Variants in CDK19 observed in about 807,000 individuals in gnomAD.
The protein encoded by CDK19 is cyclin-dependent kinase 19.
Under a neutral mutation model 68.3 loss-of-function variants are expected in CDK19, and 20 were observed. The observed-to-expected ratio is 0.29, with a 90% confidence interval of 0.21 to 0.43. The LOEUF is 0.43. CDK19 is among the 20% of genes least tolerant of loss of function. CDK19 has a pLI of 1.00. For missense variants in CDK19, 339 were observed against 623.5 expected (o/e 0.54, Z 4.86); for synonymous variants, 221 against 222.8 (o/e 0.99, Z 0.07).
intron 1 of CDK19, among the ~76,000 whole-genome samples, chr6:110,765,268 T>A (rs1315810862): frequency 6.6e-6 from 1 of 152,048 alleles, no homozygotes; most frequent in African/African-American, 2.4e-5. Flanking sequence ...AAATTAAAAA[T>A]TTTTGACATT....
chr6:110,712,042 T>C (rs1430655527), intron 2 of CDK19, among the ~76,000 whole-genome samples: 1 of 152,226 alleles, frequency 6.6e-6, no homozygotes, highest in African/African-American at 2.4e-5. Context: ...ATTGGCTACT[T>C]TTTTAACTGC....
At chr6:110,755,000 G>C (rs907243024) in intron 1 of CDK19, among the ~76,000 whole-genome samples, 10 of 148,510 alleles carry the variant, frequency 6.7e-5, no homozygotes, top group Admixed American at 1.3e-4. Flanking sequence ...TTTTTTTTGA[G>C]ATGGAATTTC....
chr6:110,709,142 T>C (rs894798289), intron 2 of CDK19, among the ~76,000 whole-genome samples: 1 of 152,174 alleles, frequency 6.6e-6, no homozygotes, highest in Admixed American at 6.6e-5. Flanking sequence ...AAACTAGGTA[T>C]TGATGGAACC....
At chr6:110,745,996 C>A (rs1043310222) in intron 2 of CDK19, 130 bp downstream of exon 2, 2 of 463,810 alleles carry the variant, frequency 4.3e-6, no homozygotes, top group East Asian at 7.2e-5. Context: ...TCTCACTCTA[C>A]ATAAAATATT....
intron 1 of CDK19, among the ~76,000 whole-genome samples, chr6:110,800,771 C>A (rs1025558736): frequency 4.6e-5 from 7 of 152,090 alleles, no homozygotes; most frequent in Non-Finnish European, 8.8e-5. Flanking sequence ...CAAAAATGCT[C>A]AACAAACAAG....
intron 1 of CDK19, among the ~76,000 whole-genome samples, chr6:110,757,700 G>A (rs1045470286): frequency 3.9e-4 from 59 of 152,128 alleles, no homozygotes; most frequent in African/African-American, 1.4e-3. Context: ...ATTTCAGGTT[G>A]TTCAAGTACA....
intron 2 of CDK19, among the ~76,000 whole-genome samples, chr6:110,687,672 T>A (rs1470178315): frequency 6.6e-6 from 1 of 152,248 alleles, no homozygotes; most frequent in Non-Finnish European, 1.5e-5. Context: ...TTTTAATCAA[T>A]AAATCCTAAA....
chr6:110,786,368 T>G lies in CDK19; in HGVS notation c.128+28641A>C, dbSNP rs188779711. On this transcript the variant is annotated intron_variant, in intron 1 of 12. Transcript: ENST00000368911. ...ACCCTTCACTCCATCTTTTTTTCCA[T>G]ACCCCCAATTTCCTTCATGATTTCC... Among the ~76,000 whole-genome samples the G allele has an allele frequency of 2.0e-5, 3 of 152,266 alleles. No individual in the cohort carries two copies. The East Asian group carries it at 5.8e-4, about 29-fold the overall frequency.
At chr6:110,806,545 T>C (rs1782696419) in intron 1 of CDK19, among the ~76,000 whole-genome samples, 1 of 152,164 alleles carries the variant, frequency 6.6e-6, no homozygotes, top group African/African-American at 2.4e-5. Context: ...CTTACTAGGA[T>C]ATTCACTTCA....
At chr6:110,736,762 A>G (rs560253896) in intron 2 of CDK19, among the ~76,000 whole-genome samples, 1 of 152,314 alleles carries the variant, frequency 6.6e-6, no homozygotes, top group South Asian at 2.1e-4. Flanking sequence ...AAAAACCAGC[A>G]CCATTTACTG....
At chr6:110,795,630 AC>A (rs1781886464) in intron 1 of CDK19, among the ~76,000 whole-genome samples, 1 of 152,164 alleles carries the variant, frequency 6.6e-6, no homozygotes, top group Non-Finnish European at 1.5e-5. Context: ...AACAACTAAT[AC>A]CCTTTGACAC....
intron 1 of CDK19, among the ~76,000 whole-genome samples, chr6:110,777,490 A>G (rs1780488699): frequency 6.6e-6 from 1 of 152,190 alleles, no homozygotes; most frequent in Non-Finnish European, 1.5e-5. Context: ...AAAATAAAAT[A>G]AGAAGGGTTG....
chr6:110,628,969 T>C lies in CDK19; in HGVS notation c.647-1824A>G, dbSNP rs928563477. On this transcript the variant is annotated intron_variant, in intron 6 of 12. Transcript: ENST00000368911. Reference sequence around the variant, plus strand: ...CCATCACTACAGAGTAGAGTAATAATACTGCTCAGCATCCATTTCTGAATT... The same window carrying C: ...CCATCACTACAGAGTAGAGTAATAACACTGCTCAGCATCCATTTCTGAATT... Among the ~76,000 whole-genome samples, 5 of 152,314 alleles carry C rather than the reference T, an allele frequency of 3.3e-5. No homozygotes were observed. The South Asian group carries it at 8.3e-4, about 25-fold the overall frequency.
At chr6:110,677,551 G>GA (rs1771634248) in intron 2 of CDK19, among the ~76,000 whole-genome samples, 1 of 139,588 alleles carries the variant, frequency 7.2e-6, no homozygotes, top group Non-Finnish European at 1.5e-5. Context: ...GGGAAGCAGA[G>GA]AGAGACCCCA....
intron 1 of CDK19, among the ~76,000 whole-genome samples, chr6:110,750,639 C>T (rs1242996989): frequency 1.3e-5 from 2 of 152,012 alleles, no homozygotes; most frequent in African/African-American, 4.8e-5. Flanking sequence ...GAAAATATCT[C>T]GGAAGTTCAA....
At chr6:110,738,453 G>T (rs1056788473) in intron 2 of CDK19, among the ~76,000 whole-genome samples, 18 of 152,092 alleles carry the variant, frequency 1.2e-4, no homozygotes, top group African/African-American at 3.9e-4. Context: ...CTGGGAGGCG[G>T]AGGTTGCAGT....
At chr6:110,617,067 A>C (rs190177929) in intron 12 of CDK19, among the ~76,000 whole-genome samples, 8 of 152,264 alleles carry the variant, frequency 5.3e-5, no homozygotes, top group African/African-American at 1.9e-4. Context: ...CTCAGGAGCA[A>C]AAGTTTTTCT....
At chr6:110,645,930 G>A in intron 4 of CDK19, 1 of 1,070,896 alleles carries the variant, frequency 9.3e-7, no homozygotes, top group Non-Finnish European at 1.4e-6. Context: ...GCAGGTGCAG[G>A]AGAGCCTGCG....
intron 4 of CDK19, among the ~76,000 whole-genome samples, chr6:110,641,333 C>T (rs1780147722): frequency 6.6e-6 from 1 of 152,074 alleles, no homozygotes. Context: ...CAGTGGCTGA[C>T]ACCTGTAATC....
Sources: allele counts gnomAD v4.1 joint callset (sites outside exome capture counted in the v4.1 genomes callset), GRCh38; gene constraint gnomAD v4.1.1; transcripts MANE v1.5; gene names NCBI Gene and HGNC (gene_info 2026-07-23, HGNC 2026-07-21).